CHRM3: variants seen among roughly 807,000 people sequenced by gnomAD.
CHRM3 encodes muscarinic acetylcholine receptor M3.
CHRM3 carries 11 observed loss-of-function variants against 41.8 expected under a neutral mutation model. The observed-to-expected ratio is 0.26, with a 90% CI of 0.17 to 0.44. The LOEUF (loss-of-function observed/expected upper bound fraction) is 0.44, where lower values mean the gene tolerates loss of function less well. Ranked by LOEUF, CHRM3 falls within the 20% of genes least tolerant of loss-of-function variation. The probability of loss-of-function intolerance (pLI) is 1.00; values close to 1 mark genes in which losing one functional copy is unlikely to be tolerated. For synonymous variants in CHRM3, 297 were observed against 301.4 expected (o/e 0.99, Z 0.15); for missense variants, 571 against 745.4 (o/e 0.77, Z 2.72).
intron 6 of CHRM3, among the ~76,000 whole-genome samples, chr1:239,856,362 C>A (rs1166790724): frequency 1.3e-5 from 2 of 152,092 alleles, no homozygotes; most frequent in Non-Finnish European, 2.9e-5. Flanking sequence ...CGCCGTCCCC[C>A]TAGTGCTGTC....
chr1:239,462,293 A>G (rs896211467), intron 1 of CHRM3, among the ~76,000 whole-genome samples: 2 of 152,216 alleles, frequency 1.3e-5, no homozygotes, highest in African/African-American at 4.8e-5. Flanking sequence ...ATTTGGGAGC[A>G]AGTAGAAAAT....
At chr1:239,841,147 C>G (rs945625302) in intron 6 of CHRM3, among the ~76,000 whole-genome samples, 3 of 152,204 alleles carry the variant, frequency 2.0e-5, no homozygotes, top group Admixed American at 1.3e-4. Flanking sequence ...TTGCTTTTCA[C>G]TGGTCCATAA....
At chr1:239,767,139 C>T (rs12755715) in intron 5 of CHRM3, among the ~76,000 whole-genome samples, 1 of 151,840 alleles carries the variant, frequency 6.6e-6, no homozygotes, top group Admixed American at 6.6e-5. Context: ...ACTTTTTTTC[C>T]TGATAAAAGT....
intron 3 of CHRM3, among the ~76,000 whole-genome samples, chr1:239,580,004 A>T (rs925777519): frequency 1.3e-5 from 2 of 152,056 alleles, no homozygotes; most frequent in East Asian, 3.9e-4. Flanking sequence ...AGTGTTCTTA[A>T]CCACTATGCC....
Position 239,908,447 on chromosome 1 carries a change from C to T in CHRM3, c.996C>T (p.Ser332=), listed in dbSNP as rs766190526. Reference sequence around the variant, plus strand: ...CCGAGCAGATGGACCAAGACCACAGCAGCAGTGACAGTTGGAACAACAATG... The same window carrying T: ...CCGAGCAGATGGACCAAGACCACAGTAGCAGTGACAGTTGGAACAACAATG... ...PSSEQMDQDH[S]SSDSWNNNDA... The change falls in exon 7 of 7, where the codon AGC becomes AGT. Residue 332 remains serine (S), a synonymous_variant. Coordinates refer to ENST00000676153, the MANE Select transcript of CHRM3 (RefSeq NM_001375978.1). This position sits in a 1 kb window ranked among gnomAD's most constrained non-coding sequence, Gnocchi z 7.2. 9.3e-6 allele frequency: 15 copies of T among 1,613,710 alleles called. No homozygotes were observed. Among genetic ancestry groups the T allele is most frequent in the South Asian group, 1.1e-5 (1 of 91,024 alleles).
intron 1 of CHRM3, among the ~76,000 whole-genome samples, chr1:239,474,948 T>C (rs768916902): frequency 6.6e-5 from 10 of 152,104 alleles, no homozygotes; most frequent in Non-Finnish European, 1.5e-4. Context: ...TTTGCAATAC[T>C]TAGTACTATT....
chr1:239,833,993 C>A (rs1014288836), intron 6 of CHRM3, among the ~76,000 whole-genome samples: 1 of 152,164 alleles, frequency 6.6e-6, no homozygotes, highest in Admixed American at 6.6e-5. Flanking sequence ...AGATTACTTT[C>A]TATCTGTATG....
At chr1:239,454,911 G>A (rs1664809145) in intron 1 of CHRM3, among the ~76,000 whole-genome samples, 1 of 152,018 alleles carries the variant, frequency 6.6e-6, no homozygotes, top group Non-Finnish European at 1.5e-5. Context: ...TGGTGTAAAC[G>A]AACCTACTAT....
In CHRM3 at chr1:239,825,303, T is replaced by C. The variant is rs551167667; in HGVS notation, c.-146-1949T>C. On this transcript the variant is annotated intron_variant, in intron 5 of 6. Coordinates refer to ENST00000676153, the MANE Select transcript of CHRM3 (RefSeq NM_001375978.1). Reference sequence around the variant, plus strand: ...CATGCCTGCTCCGCCCTCTACACCATGTATTTCTCAACTTTTATGATGATT... The same window carrying C: ...CATGCCTGCTCCGCCCTCTACACCACGTATTTCTCAACTTTTATGATGATT... Among the ~76,000 whole-genome samples, 36 of 152,316 alleles carry C rather than the reference T, an allele frequency of 2.4e-4. No homozygotes were observed. The Middle Eastern group carries it at 0.01, about 43-fold the overall frequency.
chr1:239,686,981 G>C (rs1263842591), intron 5 of CHRM3, among the ~76,000 whole-genome samples: 1 of 152,022 alleles, frequency 6.6e-6, no homozygotes, highest in Admixed American at 6.6e-5. Flanking sequence ...ATTAACATAA[G>C]TGCTTTAAAA....
At chr1:239,404,011 GAGAT>G (rs1218016377) in intron 1 of CHRM3, among the ~76,000 whole-genome samples, 3 of 146,224 alleles carry the variant, frequency 2.1e-5, no homozygotes, top group Admixed American at 6.8e-5. Context: ...GAGAGAGAGA[GAGAT>G]ACCTGGCTCG....
At chr1:239,649,610 G>A (rs761117048) in intron 4 of CHRM3, among the ~76,000 whole-genome samples, 21 of 152,134 alleles carry the variant, frequency 1.4e-4, no homozygotes, top group Non-Finnish European at 2.1e-4. Context: ...ACCATGTGAG[G>A]GCTTTTGTAA....
At chr1:239,710,134 TTAAA>T (rs1421297178) in intron 5 of CHRM3, among the ~76,000 whole-genome samples, 1 of 152,170 alleles carries the variant, frequency 6.6e-6, no homozygotes, top group African/African-American at 2.4e-5. Context: ...AATCAAACAA[TTAAA>T]TAGCCAATTA....
At chr1:239,898,788 G>C (rs1443927166) in intron 6 of CHRM3, among the ~76,000 whole-genome samples, 3 of 152,110 alleles carry the variant, frequency 2.0e-5, no homozygotes, top group African/African-American at 7.2e-5. Flanking sequence ...TATTGGCCTT[G>C]TCCGTTTCTG....
chr1:239,435,087 G>C (rs1241325938), intron 1 of CHRM3, among the ~76,000 whole-genome samples: 1 of 152,178 alleles, frequency 6.6e-6, no homozygotes, highest in Non-Finnish European at 1.5e-5. Flanking sequence ...AAAATCATAT[G>C]AAGTTATGTA....
At chr1:239,890,083 G>A (rs549259422) in intron 6 of CHRM3, among the ~76,000 whole-genome samples, 16 of 152,236 alleles carry the variant, frequency 1.1e-4, no homozygotes, top group Admixed American at 2.0e-4. Flanking sequence ...GGGAGGCCAA[G>A]GAGAGGTCGG....
chr1:239,805,604 G>C (rs531272669), intron 5 of CHRM3, among the ~76,000 whole-genome samples: 9 of 152,010 alleles, frequency 5.9e-5, no homozygotes, highest in African/African-American at 1.9e-4. Flanking sequence ...GAAGTCTAGG[G>C]CCTTGATAGG....
chr1:239,684,997 C>T (rs1658996968), intron 5 of CHRM3, among the ~76,000 whole-genome samples: 1 of 152,168 alleles, frequency 6.6e-6, no homozygotes, highest in Admixed American at 6.5e-5. Context: ...AAAAACCTCT[C>T]CCTTGCATCT....
chr1:239,838,177 G>A (rs1434090728), intron 6 of CHRM3, among the ~76,000 whole-genome samples: 1 of 152,104 alleles, frequency 6.6e-6, no homozygotes, highest in Non-Finnish European at 1.5e-5. Context: ...ATGATTAATG[G>A]GAAGCAGTTT....
Sources: allele counts gnomAD v4.1 joint callset (sites outside exome capture counted in the v4.1 genomes callset), GRCh38; gene constraint gnomAD v4.1.1; non-coding constraint Gnocchi (gnomAD v3.1); transcripts MANE v1.5; gene names NCBI Gene and HGNC (gene_info 2026-07-23, HGNC 2026-07-21).